PRELID2: variants seen among roughly 807,000 people sequenced by gnomAD.
PRELID2 encodes PRELI domain containing 2.
PRELID2 carries 25 observed loss-of-function variants against 28.4 expected under a neutral mutation model. That is an observed-to-expected ratio of 0.88 (90% CI 0.64 to 1.23). PRELID2 has a LOEUF of 1.23. Ranked by LOEUF, PRELID2 falls within the 50% of genes most tolerant of loss-of-function variation. PRELID2 has a pLI of 0.00. For synonymous variants in PRELID2, 76 were observed against 71.6 expected, an observed-to-expected ratio of 1.06 and a Z score of -0.31; for missense variants, 201 against 214.4, an observed-to-expected ratio of 0.94 and a Z score of 0.39.
chr5:145,628,888 T>C (rs528190955), intron 1 of PRELID2, among the ~76,000 whole-genome samples: 2 of 152,288 alleles, frequency 1.3e-5, no homozygotes, highest in East Asian at 3.9e-4. Flanking sequence ...ATGAGTGGAC[T>C]TCCTTTCCAG....
intron 6 of PRELID2, among the ~76,000 whole-genome samples, chr5:145,763,811 C>T (rs542039481): frequency 1.2e-4 from 18 of 152,218 alleles, no homozygotes; most frequent in Non-Finnish European, 2.4e-4. Flanking sequence ...GGCACAGTGG[C>T]TCACGCCTGT....
chr5:145,587,482 T>C (rs1441954833), intron 1 of PRELID2, among the ~76,000 whole-genome samples: 2 of 152,134 alleles, frequency 1.3e-5, no homozygotes, highest in East Asian at 3.9e-4. Context: ...CATATACCCA[T>C]GAAAACAGAG....
chr5:145,750,373 T>C lies in PRELID2; in HGVS notation n.70+14558A>G, dbSNP rs1341941666. Among the ~76,000 whole-genome samples, 5 of 151,894 alleles carry C rather than the reference T, an allele frequency of 3.3e-5. No individual in the cohort carries two copies. The East Asian group carries it at 7.7e-4, about 24-fold the overall frequency. On this transcript the variant is annotated intron_variant and non_coding_transcript_variant, in intron 1 of 2. Coordinates refer to the PRELID2 transcript ENST00000510259. ...GAAAATGAAATCCAAACAGCTTAAA[T>C]AACACAGCTAGTACACAGCACTTCC... is the stretch of plus-strand genomic sequence containing the variant.
intron 1 of PRELID2, among the ~76,000 whole-genome samples, chr5:145,578,446 T>G (rs747720680): frequency 6.6e-6 from 1 of 152,078 alleles, no homozygotes; most frequent in African/African-American, 2.4e-5. Context: ...CTCCCTTTTT[T>G]TTCCCCTGGG....
chr5:145,721,026 C>A (rs962597634), intron 1 of PRELID2, among the ~76,000 whole-genome samples: 3 of 151,614 alleles, frequency 2.0e-5, no homozygotes, highest in Non-Finnish European at 4.4e-5. Context: ...AATAATAAAC[C>A]CATTACATAA....
the PRELID2 span, among the ~76,000 whole-genome samples, chr5:145,386,456 G>A: frequency 3.3e-5 from 5 of 152,048 alleles, no homozygotes; most frequent in Non-Finnish European, 7.4e-5. Flanking sequence ...GGTTTCATAG[G>A]CAGTTTTCCC....
chr5:145,637,602 T>C (rs1754020737), intron 1 of PRELID2, among the ~76,000 whole-genome samples: 1 of 151,484 alleles, frequency 6.6e-6, no homozygotes, highest in Non-Finnish European at 1.5e-5. Flanking sequence ...GAATAATGAA[T>C]AACCAGTGGG....
At chr5:145,802,790 T>C (rs1323898394) in intron 4 of PRELID2, among the ~76,000 whole-genome samples, 1 of 152,148 alleles carries the variant, frequency 6.6e-6, no homozygotes, top group Admixed American at 6.5e-5. Flanking sequence ...CCAGAACACC[T>C]TTGTGAAAAT....
chr5:145,422,829 C>A, the PRELID2 span, among the ~76,000 whole-genome samples: 79 of 151,918 alleles, frequency 5.2e-4, no homozygotes, highest in South Asian at 6.0e-3. Flanking sequence ...TCTTCCTAGT[C>A]TCGATGGTCT....
chr5:145,423,526 A>G, the PRELID2 span, among the ~76,000 whole-genome samples: 3 of 150,646 alleles, frequency 2.0e-5, no homozygotes, highest in African/African-American at 7.3e-5. Context: ...AGTTGATCGC[A>G]TCGGCTCCTG....
chr5:145,756,183 A>G (rs994684516), downstream of PRELID2, among the ~76,000 whole-genome samples: 3 of 152,094 alleles, frequency 2.0e-5, no homozygotes, highest in African/African-American at 7.2e-5. Context: ...AGAAACTCTA[A>G]TGTCTCACCT....
chr5:145,366,986 C>A, the PRELID2 span, among the ~76,000 whole-genome samples: 1 of 151,714 alleles, frequency 6.6e-6, no homozygotes, highest in Non-Finnish European at 1.5e-5. Context: ...GATATTTTAT[C>A]CAGAAGGCCA....
At chr5:145,552,376 A>G (rs1038060797) in intron 1 of PRELID2, among the ~76,000 whole-genome samples, 1 of 152,150 alleles carries the variant, frequency 6.6e-6, no homozygotes, top group Non-Finnish European at 1.5e-5. Flanking sequence ...TGGGTGGGGT[A>G]TGGCATAGGA....
chr5:145,590,323 C>T (rs1183591512), intron 1 of PRELID2, among the ~76,000 whole-genome samples: 5 of 152,182 alleles, frequency 3.3e-5, no homozygotes, highest in African/African-American at 4.8e-5. Context: ...CCCTTAGATA[C>T]TCAAGTGTTC....
intron 1 of PRELID2, among the ~76,000 whole-genome samples, chr5:145,693,400 G>A (rs1038927503): frequency 1.1e-4 from 17 of 151,748 alleles, no homozygotes; most frequent in African/African-American, 3.9e-4. Flanking sequence ...CACCTGCCTC[G>A]GCCTCCCAAA....
At chr5:145,438,148 GA>G in the PRELID2 span, among the ~76,000 whole-genome samples, 99 of 152,046 alleles carry the variant, frequency 6.5e-4, no homozygotes, top group African/African-American at 2.3e-3. Context: ...CTGCCTATCA[GA>G]AAAAAAGTTC....
At chr5:145,569,705 C>T (rs919144400) in intron 1 of PRELID2, among the ~76,000 whole-genome samples, 8 of 152,164 alleles carry the variant, frequency 5.3e-5, no homozygotes, top group South Asian at 2.1e-4. Flanking sequence ...ATATTTATTA[C>T]GTATTAGGTA....
At chr5:145,291,149 C>G in the PRELID2 span, among the ~76,000 whole-genome samples, 344 of 151,348 alleles carry the variant, frequency 2.3e-3, 1 homozygote, top group African/African-American at 7.8e-3. Context: ...ACCATCCTGG[C>G]CAACATGGTG....
intron 1 of PRELID2, among the ~76,000 whole-genome samples, chr5:145,545,844 T>A (rs1469049742): frequency 6.6e-6 from 1 of 152,154 alleles, no homozygotes; most frequent in African/African-American, 2.4e-5. Flanking sequence ...GGTAAATAAC[T>A]TTTTTTAACA....
Sources: gnomAD v4.1 joint callset for allele counts (sites outside exome capture counted in the v4.1 genomes callset) on GRCh38, gnomAD v4.1.1 for gene constraint, MANE v1.5 for transcripts, NCBI Gene and HGNC (gene_info 2026-07-23, HGNC 2026-07-21) for gene names.